Variants in GATB observed in about 807,000 individuals in gnomAD.
The protein encoded by GATB is glutamyl-tRNA(Gln) amidotransferase subunit B, mitochondrial.
Under a neutral mutation model 62.3 loss-of-function variants are expected in GATB, and 39 were observed. The observed-to-expected ratio is 0.63, with a 90% CI of 0.48 to 0.82. GATB has a LOEUF of 0.82. Ranked by LOEUF, GATB falls within the 40% of genes least tolerant of loss-of-function variation. The probability of loss-of-function intolerance (pLI) is 0.00; values close to 1 mark genes in which losing one functional copy is unlikely to be tolerated. For missense variants in GATB, 670 were observed against 684.0 expected (o/e 0.98, Z 0.23); for synonymous variants, 276 against 258.9 (o/e 1.07, Z -0.63).
chr4:151,753,497 C>T (rs942538907), intron 2 of GATB, among the ~76,000 whole-genome samples: 2 of 152,116 alleles, frequency 1.3e-5, no homozygotes, highest in South Asian at 2.1e-4. Context: ...GTCTCCTCTC[C>T]CATTCTTTTG....
intron 2 of GATB, among the ~76,000 whole-genome samples, chr4:151,737,443 C>T (rs539304159): frequency 1.5e-4 from 23 of 152,218 alleles, no homozygotes; most frequent in Non-Finnish European, 2.5e-4. Flanking sequence ...AAAGGCACTC[C>T]GTTTTATAAA....
intron 5 of GATB, among the ~76,000 whole-genome samples, chr4:151,712,397 T>C (rs1334772173): frequency 2.0e-5 from 3 of 152,244 alleles, no homozygotes; most frequent in Non-Finnish European, 4.4e-5. Context: ...ATCATGAGAA[T>C]GGCATCAGGC....
intron 7 of GATB, 120 bp from the exon 8 acceptor site, chr4:151,704,015 T>C (rs1738658135): frequency 9.3e-6 from 6 of 645,740 alleles, no homozygotes; most frequent in Non-Finnish European, 1.4e-5. Flanking sequence ...TGGACTTCCA[T>C]GGGGAAACCT....
At chr4:151,678,722 C>T (rs1194829188) in intron 11 of GATB, among the ~76,000 whole-genome samples, 2 of 152,216 alleles carry the variant, frequency 1.3e-5, no homozygotes, top group Admixed American at 6.5e-5. Flanking sequence ...TTTCCCCAAG[C>T]CTCCCTTTGT....
chr4:151,702,915 G>C (rs997497946), intron 8 of GATB, among the ~76,000 whole-genome samples: 1 of 152,168 alleles, frequency 6.6e-6, no homozygotes, highest in Non-Finnish European at 1.5e-5. Context: ...GCTTCTGAGG[G>C]CAAGAGGAAA....
At chr4:151,672,981 C>G (rs1340160326) in intron 11 of GATB, 85 bp from the exon 12 acceptor site, 1 of 1,520,626 alleles carries the variant, frequency 6.6e-7, no homozygotes, top group Non-Finnish European at 9.0e-7. Flanking sequence ...CTGTGTGGAG[C>G]TGGGGTGGGA....
intron 9 of GATB, among the ~76,000 whole-genome samples, chr4:151,697,965 A>ATATATATATATATATATATATATATGTG (rs1738516384): frequency 9.2e-6 from 1 of 109,018 alleles, no homozygotes; most frequent in East Asian, 3.4e-4. Flanking sequence ...ATATATATAT[A>ATATATATATATATATATATATATATGTG]TATATATATA....
At chr4:151,672,664 T>C in intron 12 of GATB, 98 bp downstream of exon 12, 2 of 1,333,706 alleles carry the variant, frequency 1.5e-6, no homozygotes, top group Non-Finnish European at 2.1e-6. Flanking sequence ...TCAGCCATTC[T>C]TAGGAAGAGC....
chr4:151,759,920 G>A (rs1440334246), intron 1 of GATB, among the ~76,000 whole-genome samples: 2 of 152,110 alleles, frequency 1.3e-5, no homozygotes, highest in African/African-American at 4.8e-5. Context: ...AGCCCATAAG[G>A]GAGGGGAATT....
chr4:151,710,128 T>C (rs546557452), intron 5 of GATB, among the ~76,000 whole-genome samples: 1 of 152,254 alleles, frequency 6.6e-6, no homozygotes, highest in African/African-American at 2.4e-5. Context: ...TTATAATCTA[T>C]ACTACAGAAT....
At chr4:151,708,613 G>C (rs1738761296) in intron 5 of GATB, among the ~76,000 whole-genome samples, 1 of 152,160 alleles carries the variant, frequency 6.6e-6, no homozygotes, top group African/African-American at 2.4e-5. Flanking sequence ...TGCAGCTCAA[G>C]GGCAAGAACT....
At chr4:151,688,607 A>G in intron 10 of GATB, 23 bp downstream of exon 10, 1 of 1,588,534 alleles carries the variant, frequency 6.3e-7, no homozygotes. Flanking sequence ...CAAAGGAAGA[A>G]AGAAATCCCA....
chr4:151,689,710 C>T lies in GATB; in HGVS notation c.1198-947G>A, dbSNP rs530268011. On this transcript the variant is annotated intron_variant, in intron 9 of 12. Transcript: ENST00000263985. ...ATCAGCAGACGGAATTGGTGTCTCC[C>T]GTCAGCATGTATGTGTGTTGGAAAT... 5.3e-5 allele frequency among the ~76,000 whole-genome samples: 8 copies of T among 152,206 alleles called. No homozygotes were observed. The East Asian group carries it at 9.7e-4, about 18-fold the overall frequency.
chr4:151,683,992 C>T (rs1402731488), intron 10 of GATB, among the ~76,000 whole-genome samples: 1 of 152,226 alleles, frequency 6.6e-6, no homozygotes, highest in Admixed American at 6.5e-5. Context: ...ACATGAAATA[C>T]GGCCATCCTG....
At chr4:151,704,271 G>A (rs1181966496) in intron 7 of GATB, among the ~76,000 whole-genome samples, 6 of 152,052 alleles carry the variant, frequency 3.9e-5, no homozygotes, top group South Asian at 2.1e-4. Context: ...ACTCTGTTCC[G>A]CCTCTAGCTT....
At chr4:151,701,871 C>T (rs780870450) in intron 8 of GATB, among the ~76,000 whole-genome samples, 1 of 152,192 alleles carries the variant, frequency 6.6e-6, no homozygotes, top group East Asian at 1.9e-4. Flanking sequence ...AGAGATGTGT[C>T]GTTAGGTGAT....
chr4:151,733,241 AAGAG>A (rs1486076100), intron 2 of GATB, among the ~76,000 whole-genome samples: 1 of 152,222 alleles, frequency 6.6e-6, no homozygotes, highest in Non-Finnish European at 1.5e-5. Context: ...CCAAGAAAAG[AAGAG>A]AGAAAATCCA....
At position 151,705,164 on chromosome 4, in the gene GATB, C is replaced by T. The variant is rs114052071; in HGVS notation, c.962+21G>A. 6,689 of 1,572,204 alleles carry T rather than the reference C, an allele frequency of 4.3e-3. 28 individuals carry two copies. Among genetic ancestry groups the T allele is most frequent in the Middle Eastern group, 0.014 (86 of 5,966 alleles). Reference sequence around the variant, plus strand: ...GCACCACCCCCGGCTGTGGTCAGGACGCTCAGCAATGCGAACTCACCCCAG... The same window carrying T: ...GCACCACCCCCGGCTGTGGTCAGGATGCTCAGCAATGCGAACTCACCCCAG... On this transcript the variant is annotated intron_variant, in intron 7 of 12. Transcript: ENST00000263985.
At position 151,716,141 on chromosome 4, in the gene GATB, A is replaced by C. The variant is rs1221159240; in HGVS notation, c.641-10T>G. ...TCCAGAAGGCCCACTCCTACCAAAG[A>C]GGGGCAGAGTCAGCCTCACTGCAGC... On this transcript the variant is annotated splice_polypyrimidine_tract_variant and intron_variant, in intron 4 of 12. Coordinates refer to ENST00000263985, the MANE Select transcript of GATB (RefSeq NM_004564.3). 6.2e-7 allele frequency: 1 copy of C among 1,611,480 alleles called. No individual in the cohort carries two copies. The highest frequency in any genetic ancestry group is 8.5e-7 in the Non-Finnish European group (1 of 1,178,842).
Sources: gnomAD v4.1 joint callset for allele counts (sites outside exome capture counted in the v4.1 genomes callset) on GRCh38, gnomAD v4.1.1 for gene constraint, MANE v1.5 for transcripts, NCBI Gene and HGNC (gene_info 2026-07-23, HGNC 2026-07-21) for gene names.